NRXN3: variants seen among roughly 807,000 people sequenced by gnomAD.
NRXN3 encodes the protein neurexin 3.
A neutral mutation model predicts 137.6 loss-of-function variants in NRXN3; 32 were observed. The ratio of observed to expected loss-of-function variants is 0.23; its 90% CI spans 0.18 to 0.31. The LOEUF (loss-of-function observed/expected upper bound fraction) is 0.31. NRXN3 is among the 10% of genes least tolerant of loss of function. The pLI is 1.00. For missense variants in NRXN3, 1,574 were observed against 2,062.5 expected (o/e 0.76, Z 4.59); for synonymous variants, 798 against 784.5 (o/e 1.02, Z -0.29).
chr14:79,797,241 G>C (rs1424511024), intron 19 of NRXN3, among the ~76,000 whole-genome samples: 6 of 152,110 alleles, frequency 3.9e-5, no homozygotes, highest in African/African-American at 1.4e-4. Context: ...TCTCTTTAAA[G>C]CTATCTCATT....
At chr14:78,916,743 G>A (rs903765334) in intron 10 of NRXN3, among the ~76,000 whole-genome samples, 17 of 152,218 alleles carry the variant, frequency 1.1e-4, no homozygotes, top group African/African-American at 3.9e-4. Context: ...CCTTCACAAA[G>A]TACCCTGGAC....
At chr14:78,314,054 C>T (rs1373051710) in intron 4 of NRXN3, among the ~76,000 whole-genome samples, 6 of 152,234 alleles carry the variant, frequency 3.9e-5, no homozygotes, top group South Asian at 2.1e-4. Context: ...ATTCCAAAAG[C>T]GATTCACTTT....
At chr14:78,588,465 C>T (rs1384579208) in intron 4 of NRXN3, among the ~76,000 whole-genome samples, 2 of 152,180 alleles carry the variant, frequency 1.3e-5, no homozygotes, top group African/African-American at 4.8e-5. Flanking sequence ...TGTTCCACTT[C>T]TCCTGGGCTC....
At chr14:79,241,335 C>T (rs1425282761) in intron 15 of NRXN3, among the ~76,000 whole-genome samples, 2 of 152,134 alleles carry the variant, frequency 1.3e-5, no homozygotes. Context: ...CTAAAAAAGA[C>T]ATATCCAAGA....
At chr14:79,792,283 T>G (rs188899441) in intron 19 of NRXN3, among the ~76,000 whole-genome samples, 42 of 152,340 alleles carry the variant, frequency 2.8e-4, no homozygotes, top group Admixed American at 1.0e-3. Context: ...CAGTAATGAA[T>G]GCATGAAAAG....
At chr14:78,777,947 G>T (rs1247559219) in intron 8 of NRXN3, among the ~76,000 whole-genome samples, 1 of 152,038 alleles carries the variant, frequency 6.6e-6, no homozygotes, top group Non-Finnish European at 1.5e-5. Flanking sequence ...AGTTTTAGTA[G>T]AGACAGGGTT....
At chr14:79,211,392 G>A (rs766476960) in intron 15 of NRXN3, among the ~76,000 whole-genome samples, 4 of 152,090 alleles carry the variant, frequency 2.6e-5, no homozygotes, top group African/African-American at 9.7e-5. Flanking sequence ...CTAACCCATC[G>A]CATCTCTAAG....
rs1243083348 is a variant in NRXN3 at position 78,739,097 on chromosome 14, C to A, written c.2044+23958C>A. 2.0e-5 allele frequency among the ~76,000 whole-genome samples: 3 copies of A among 152,264 alleles called. No homozygotes were observed. The East Asian group carries it at 5.8e-4, about 29-fold the overall frequency. On this transcript the variant is annotated intron_variant, in intron 8 of 20. Transcript: ENST00000335750. ...TCTCCGTCATAAGTTCTCCATCACA[C>A]ATTCTCACCTCTTCCATTTGAGTCT...
intron 8 of NRXN3, among the ~76,000 whole-genome samples, chr14:78,797,053 CA>C (rs2098824043): frequency 3.3e-5 from 5 of 151,998 alleles, no homozygotes; most frequent in Admixed American, 2.6e-4. Flanking sequence ...TCTAACTGAC[CA>C]AGGGGGCTTA....
At chr14:79,793,581 A>G (rs1465403260) in intron 19 of NRXN3, among the ~76,000 whole-genome samples, 1 of 152,200 alleles carries the variant, frequency 6.6e-6, no homozygotes, top group African/African-American at 2.4e-5. Context: ...AACTGTTCTC[A>G]GGGTTAGCTA....
intron 3 of NRXN3, chr14:78,279,606 G>A (rs1232696128): frequency 6.6e-6 from 1 of 151,968 alleles, no homozygotes; most frequent in Non-Finnish European, 1.5e-5. Context: ...AGGAAATTTA[G>A]GGCCTGTTAG....
intron 19 of NRXN3, among the ~76,000 whole-genome samples, chr14:79,764,657 G>A (rs986312473): frequency 9.9e-5 from 15 of 151,778 alleles, no homozygotes; most frequent in South Asian, 4.2e-4. Flanking sequence ...CAAGGAAACT[G>A]CCAGTCATAG....
rs1241763210 is a variant in NRXN3, at chr14:79,865,198, T to G, written c.*3234T>G. ...TCTTCTTTCCAAGCCTCCCACCATA[T>G]TAAAATTTAAAATTAAAAAACAGAA... On this transcript the variant is annotated 3_prime_UTR_variant, in exon 21 of 21. Coordinates refer to ENST00000335750, the MANE Select transcript of NRXN3 (RefSeq NM_001330195.2). 6.6e-6 allele frequency: 1 copy of G among 152,314 alleles called. No individual in the cohort carries two copies. The highest frequency in any genetic ancestry group is 1.9e-4 in the East Asian group (1 of 5,180). The allele number at this position is 152,314 out of a possible 1,614,324, so 9.4% of individuals were successfully genotyped here.
chr14:78,812,201 G>T (rs72685446), intron 10 of NRXN3, among the ~76,000 whole-genome samples: 1 of 152,150 alleles, frequency 6.6e-6, no homozygotes, highest in Non-Finnish European at 1.5e-5. Context: ...CCTACCCATC[G>T]TCCTAGGTAA....
At chr14:79,082,598 T>C (rs2047280687) in intron 15 of NRXN3, among the ~76,000 whole-genome samples, 1 of 152,086 alleles carries the variant, frequency 6.6e-6, no homozygotes, top group South Asian at 2.1e-4. Flanking sequence ...CTGCCACACA[T>C]GAGAAACTAA....
chr14:79,387,868 C>A (rs896413916), intron 15 of NRXN3, among the ~76,000 whole-genome samples: 1 of 149,184 alleles, frequency 6.7e-6, no homozygotes, highest in African/African-American at 2.5e-5. Context: ...AAACCAAACA[C>A]CGCATGTTCT....
At chr14:79,389,938 A>C (rs1216671213) in intron 15 of NRXN3, among the ~76,000 whole-genome samples, 1 of 152,256 alleles carries the variant, frequency 6.6e-6, no homozygotes, top group Non-Finnish European at 1.5e-5. Flanking sequence ...ACATTTGCTA[A>C]CTGGAAAAAG....
chr14:79,287,082 G>A (rs1254290466), intron 15 of NRXN3, among the ~76,000 whole-genome samples: 1 of 152,122 alleles, frequency 6.6e-6, no homozygotes, highest in Non-Finnish European at 1.5e-5. Context: ...CTGGTTGGTA[G>A]ATAGTGGTTA....
At chr14:78,875,774 G>C (rs1185283370) in intron 10 of NRXN3, among the ~76,000 whole-genome samples, 1 of 152,104 alleles carries the variant, frequency 6.6e-6, no homozygotes, top group Non-Finnish European at 1.5e-5. Flanking sequence ...AACTTTTCAC[G>C]CAGTTGTAGC....
Sources: allele counts gnomAD v4.1 joint callset (sites outside exome capture counted in the v4.1 genomes callset), GRCh38; gene constraint gnomAD v4.1.1; transcripts MANE v1.5; gene names NCBI Gene and HGNC (gene_info 2026-07-23, HGNC 2026-07-21).